NLRC5: variants seen among roughly 807,000 people sequenced by gnomAD.
The protein encoded by NLRC5 is NLR family CARD domain containing 5, also known as protein NLRC5.
A neutral mutation model predicts 206.9 loss-of-function variants in NLRC5; 114 were observed. The observed-to-expected ratio is 0.55, with a 90% CI of 0.47 to 0.64. The LOEUF is 0.64. NLRC5 is among the 30% of genes least tolerant of loss of function. The pLI, the probability that NLRC5 is intolerant of heterozygous loss-of-function variation, is 0.00. For missense variants in NLRC5, 2,008 were observed against 2,305.5 expected (o/e 0.87, Z 2.64); for synonymous variants, 952 against 962.8 (o/e 0.99, Z 0.21).
intron 30 of NLRC5, among the ~76,000 whole-genome samples, chr16:57,061,226 T>A (rs551857016): frequency 1.3e-5 from 2 of 152,306 alleles, no homozygotes; most frequent in East Asian, 3.9e-4. Flanking sequence ...CTAAATAACT[T>A]ACTCCTAATA....
At chr16:57,010,368 T>C (rs2059361805) in intron 1 of NLRC5, among the ~76,000 whole-genome samples, 1 of 152,108 alleles carries the variant, frequency 6.6e-6, no homozygotes, top group Admixed American at 6.6e-5. Flanking sequence ...TAGATATGAA[T>C]AACTTTTTAA....
chr16:57,060,131 A>C (rs80108321), intron 30 of NLRC5, among the ~76,000 whole-genome samples: 9,343 of 151,448 alleles, frequency 0.062, 716 homozygotes, highest in East Asian at 0.32. Context: ...TTCAGCTGTG[A>C]ACAGGGCCTC....
chr16:57,082,708 G>C lies in NLRC5; in HGVS notation c.*180G>C. ...CAGGGAGAACTTTTTTGGGAACCAG[G>C]AGCTGGGTCTGGACAAAGGAGTACC... is the stretch of plus-strand genomic sequence containing the variant. On this transcript the variant is annotated 3_prime_UTR_variant, in exon 49 of 49. Transcript: ENST00000688547. 1.8e-6 allele frequency: 1 copy of C among 566,180 alleles called. No homozygotes were observed. Among genetic ancestry groups the C allele is most frequent in the Non-Finnish European group, 3.1e-6 (1 of 318,808 alleles). 35.1% of individuals were successfully genotyped at this position (566,180 alleles called of 1,614,324 possible).
At chr16:57,033,378 C>G (rs2062104299) in intron 11 of NLRC5, among the ~76,000 whole-genome samples, 1 of 152,234 alleles carries the variant, frequency 6.6e-6, no homozygotes, top group East Asian at 1.9e-4. Context: ...CATGGCTATA[C>G]ATGGCAGAGC....
chr16:57,015,295 C>T (rs188689127), intron 1 of NLRC5, among the ~76,000 whole-genome samples: 18 of 152,282 alleles, frequency 1.2e-4, no homozygotes, highest in African/African-American at 3.8e-4. Flanking sequence ...CTAATCACTT[C>T]GCAAAGGTCC....
intron 1 of NLRC5, among the ~76,000 whole-genome samples, chr16:56,992,840 G>T (rs2057071023): frequency 6.6e-6 from 1 of 151,618 alleles, no homozygotes; most frequent in Non-Finnish European, 1.5e-5. Flanking sequence ...AAAAATAAAT[G>T]ATATGGAATT....
In NLRC5 at chr16:57,024,145, C is replaced by G. The variant is rs138343711; in HGVS notation, c.424+292C>G. On this transcript the variant is annotated intron_variant, in intron 5 of 48. Coordinates refer to ENST00000688547, the MANE Select transcript of NLRC5 (RefSeq NM_001384950.1). ...TCTCAGCTTCGCTGTCCAGGCTTTT[C>G]CAGGGACACCCTATGTCCTCAGTGT... 4.9e-3 allele frequency among the ~76,000 whole-genome samples: 747 copies of G among 152,294 alleles called. 9 individuals carry two copies. Among genetic ancestry groups the G allele is most frequent in the African/African-American group, 0.017 (717 of 41,532 alleles).
chr16:57,061,381 T>G, intron 30 of NLRC5, 67 bp from the exon 31 acceptor site: 33 of 1,490,838 alleles, frequency 2.2e-5, no homozygotes, highest in Non-Finnish European at 2.8e-5. Context: ...TCAGGGAGGC[T>G]GAGATGAAGC....
In NLRC5 at chr16:57,065,205, G is replaced by T; in HGVS notation, c.4155-7G>T. The T allele has an allele frequency of 6.6e-7, 1 of 1,516,092 alleles. No individual in the cohort carries two copies. Among genetic ancestry groups the T allele is most frequent in the East Asian group, 2.5e-5 (1 of 39,544 alleles). 93.9% of individuals were successfully genotyped at this position (1,516,092 alleles called of 1,614,324 possible). A position where few individuals can be genotyped will look rare whatever the true frequency, so the allele number is the denominator to read the frequency against. On this transcript the variant is annotated splice_polypyrimidine_tract_variant and splice_region_variant and intron_variant, in intron 32 of 48. Transcript: ENST00000688547. ...GGGGGCCTTATCTGTGTCCCCTTCT[G>T]TGACAGGGTGCAGGAGCCGTGGGCG... is the stretch of plus-strand genomic sequence containing the variant.
intron 5 of NLRC5, among the ~76,000 whole-genome samples, chr16:57,024,904 G>A (rs751107157): frequency 1.3e-5 from 2 of 152,158 alleles, no homozygotes; most frequent in Non-Finnish European, 1.5e-5. Context: ...CAGCTACTCA[G>A]GAGGCTGAGG....
intron 34 of NLRC5, 75 bp downstream of exon 34, chr16:57,066,689 T>C: frequency 7.7e-7 from 1 of 1,298,926 alleles, no homozygotes; most frequent in Non-Finnish European, 1.1e-6. Flanking sequence ...TGACCAATAT[T>C]CACCACCCTG....
At chr16:57,002,801 C>T (rs1452438579) in intron 1 of NLRC5, among the ~76,000 whole-genome samples, 10 of 151,946 alleles carry the variant, frequency 6.6e-5, no homozygotes, top group South Asian at 2.1e-4. Context: ...GGCGCCACTA[C>T]GCCCAGCTAA....
At position 57,033,630 on chromosome 16, in the gene NLRC5, G is replaced by A; in HGVS notation, c.2504G>A (p.Gly835Asp). ...QRAPDLQESD[G>D]QRKGAQSRSL... The stretch of plus-strand genomic sequence containing the variant: ...GCTCCAGACCTGCAGGAAAGTGACG[G>A]CCAGAGGAAAGGGGCTCAGAGCAGA... Residue 835 changes from glycine to aspartate, a missense_variant, in exon 12 of 49, where the codon GGC (glycine) becomes GAC (aspartate). Physicochemically the swap from Gly to Asp is moderately conservative, Grantham distance 94. Coordinates refer to ENST00000688547, the MANE Select transcript of NLRC5 (RefSeq NM_001384950.1). 1 of 1,614,128 alleles carries A rather than the reference G, an allele frequency of 6.2e-7. No homozygotes were observed. The highest frequency in any genetic ancestry group is 8.5e-7 in the Non-Finnish European group (1 of 1,180,014).
chr16:57,065,419 CCAGGGTAG>C, intron 33 of NLRC5, 121 bp downstream of exon 33: 3 of 606,624 alleles, frequency 4.9e-6, no homozygotes, highest in South Asian at 3.6e-5. Flanking sequence ...TTCCATGTCC[CCAGGGTAG>C]CAGGAGCTCC....
At chr16:56,997,081 T>C (rs1263378995) in intron 1 of NLRC5, among the ~76,000 whole-genome samples, 3 of 152,094 alleles carry the variant, frequency 2.0e-5, no homozygotes, top group Non-Finnish European at 4.4e-5. Context: ...CATGTTGCCC[T>C]GGCTGGTCTC....
intron 36 of NLRC5, 106 bp from the exon 37 acceptor site, chr16:57,069,730 C>T: frequency 1.2e-6 from 1 of 850,694 alleles, no homozygotes; most frequent in Non-Finnish European, 1.9e-6. Context: ...CCTCACATTG[C>T]CCGCCACATC....
At chr16:57,008,745 A>C (rs546251354) in intron 1 of NLRC5, among the ~76,000 whole-genome samples, 1 of 152,304 alleles carries the variant, frequency 6.6e-6, no homozygotes, top group African/African-American at 2.4e-5. Flanking sequence ...TAAAAGAAAA[A>C]GCCTAGCAAT....
rs752071811 is a variant in NLRC5 at position 57,026,926 on chromosome 16, G to C, written c.1983G>C (p.Arg661Ser). 2 of 1,614,164 alleles carry C rather than the reference G, an allele frequency of 1.2e-6. No individual in the cohort carries two copies. Among genetic ancestry groups the C allele is most frequent in the Non-Finnish European group, 1.7e-6 (2 of 1,180,026 alleles). The part of the protein sequence containing the change: ...LATLTNILEH[R>S]EAPIHLDFDG... ...CCCTGACCAACATCCTAGAGCACAG[G>C]GAGGCCCCCATCCACCTGGATTTTG... Residue 661 changes from arginine to serine, a missense_variant, in exon 6 of 49, where the codon AGG becomes AGC. Arg to Ser is a moderately radical substitution (Grantham distance 110). Transcript: ENST00000688547.
chr16:57,076,982 G>A (rs1041478258), intron 40 of NLRC5, 80 bp downstream of exon 40: 34 of 1,237,836 alleles, frequency 2.7e-5, no homozygotes, highest in South Asian at 8.5e-5. Flanking sequence ...ACCTGAGCAC[G>A]CCCTTTGCTT....
Sources: allele counts gnomAD v4.1 joint callset (sites outside exome capture counted in the v4.1 genomes callset), GRCh38; gene constraint gnomAD v4.1.1; transcripts MANE v1.5; gene names NCBI Gene and HGNC (gene_info 2026-07-23, HGNC 2026-07-21).